Variants in PLCB4 observed in about 807,000 individuals in gnomAD.
PLCB4 encodes phospholipase C beta 4.
Under a neutral mutation model 178.8 loss-of-function variants are expected in PLCB4, and 77 were observed. The ratio of observed to expected loss-of-function variants is 0.43; its 90% CI spans 0.36 to 0.52. The LOEUF (loss-of-function observed/expected upper bound fraction) is 0.52, where lower values mean the gene tolerates loss of function less well. PLCB4 is among the 20% of genes least tolerant of loss of function. PLCB4 has a pLI of 0.00. For missense variants in PLCB4, 1,024 were observed against 1,453.4 expected (o/e 0.70, Z 4.80); for synonymous variants, 496 against 490.8 (o/e 1.01, Z -0.14).
chr20:9,226,882 A>G (rs886320876), intron 3 of PLCB4, among the ~76,000 whole-genome samples: 3 of 152,254 alleles, frequency 2.0e-5, no homozygotes, highest in East Asian at 1.9e-4. Flanking sequence ...ACACAGTGAC[A>G]TTTCTGTGGA....
intron 7 of PLCB4, among the ~76,000 whole-genome samples, chr20:9,341,625 TG>T (rs2033208810): frequency 6.7e-6 from 1 of 150,282 alleles, no homozygotes; most frequent in South Asian, 2.1e-4. Context: ...GTGGAGGAGG[TG>T]GAAGTGGAGT....
At chr20:9,171,908 C>T (rs1356383745) in intron 2 of PLCB4, among the ~76,000 whole-genome samples, 2 of 152,136 alleles carry the variant, frequency 1.3e-5, no homozygotes, top group African/African-American at 4.8e-5. Flanking sequence ...TGGCAGAGTG[C>T]TTGCAGAGGC....
At chr20:9,092,916 A>G (rs2090748242) in intron 1 of PLCB4, among the ~76,000 whole-genome samples, 1 of 152,126 alleles carries the variant, frequency 6.6e-6, no homozygotes, top group Non-Finnish European at 1.5e-5. Context: ...CTGCCATAGT[A>G]TCTGGGAAAG....
chr20:9,128,064 G>T (rs972932419), intron 2 of PLCB4, among the ~76,000 whole-genome samples: 1 of 152,154 alleles, frequency 6.6e-6, no homozygotes, highest in Non-Finnish European at 1.5e-5. Context: ...ATTGTTGGAG[G>T]TGGGGCCTGG....
chr20:9,101,658 T>C (rs1177820927), intron 2 of PLCB4, among the ~76,000 whole-genome samples: 1 of 152,150 alleles, frequency 6.6e-6, no homozygotes, highest in East Asian at 1.9e-4. Flanking sequence ...CATTTTTTCA[T>C]TTTTCAGTTG....
chr20:9,149,589 A>G (rs2092657092), intron 2 of PLCB4, among the ~76,000 whole-genome samples: 1 of 151,536 alleles, frequency 6.6e-6, no homozygotes. Context: ...ATAACAATGG[A>G]AACTCTTTTA....
intron 32 of PLCB4, among the ~76,000 whole-genome samples, chr20:9,452,549 C>G (rs2042830905): frequency 6.6e-6 from 1 of 152,044 alleles, no homozygotes; most frequent in Non-Finnish European, 1.5e-5. Flanking sequence ...GGCTGAGCAG[C>G]TAAAGAAATC....
intron 3 of PLCB4, among the ~76,000 whole-genome samples, chr20:9,258,205 C>G (rs2094256956): frequency 6.6e-6 from 1 of 152,150 alleles, no homozygotes; most frequent in African/African-American, 2.4e-5. Context: ...GTGTTAGCAG[C>G]TTGTTTTCCA....
intron 2 of PLCB4, among the ~76,000 whole-genome samples, chr20:9,101,005 G>A (rs962584366): frequency 6.6e-6 from 1 of 152,094 alleles, no homozygotes; most frequent in African/African-American, 2.4e-5. Context: ...TGAAGTTTCT[G>A]GTGGCCCATT....
intron 3 of PLCB4, among the ~76,000 whole-genome samples, chr20:9,257,630 T>G (rs923825344): frequency 3.3e-5 from 5 of 152,302 alleles, no homozygotes; most frequent in African/African-American, 1.2e-4. Flanking sequence ...AATGGAAAGA[T>G]CTTCATTTTG....
chr20:9,092,961 G>A (rs1275879984), intron 1 of PLCB4, among the ~76,000 whole-genome samples: 1 of 152,026 alleles, frequency 6.6e-6, no homozygotes, highest in Non-Finnish European at 1.5e-5. Flanking sequence ...GGCTCGTAAC[G>A]CTATAAATGT....
chr20:9,222,439 T>G (rs552600807), intron 3 of PLCB4, among the ~76,000 whole-genome samples: 11 of 145,676 alleles, frequency 7.6e-5, no homozygotes, highest in Admixed American at 2.7e-4. Context: ...TCATGATTGT[T>G]CACCTGATGT....
At chr20:9,372,264 A>G (rs1197669233) in intron 10 of PLCB4, 39 bp from the exon 11 acceptor site, 6 of 1,200,930 alleles carry the variant, frequency 5.0e-6, no homozygotes, top group Non-Finnish European at 4.9e-6. Context: ...CAAGGGAAAA[A>G]CGGTTCTGTG....
At chr20:9,097,866 T>TA (rs1470968658) in intron 2 of PLCB4, among the ~76,000 whole-genome samples, 1 of 152,138 alleles carries the variant, frequency 6.6e-6, no homozygotes, top group African/African-American at 2.4e-5. Context: ...AGAACGAACA[T>TA]ACATTGATTT....
intron 2 of PLCB4, among the ~76,000 whole-genome samples, chr20:9,172,691 G>A (rs1322539755): frequency 1.3e-5 from 2 of 152,134 alleles, no homozygotes; most frequent in African/African-American, 4.8e-5. Flanking sequence ...GTGCCTGAAT[G>A]TTAAGAGAGG....
intron 32 of PLCB4, among the ~76,000 whole-genome samples, chr20:9,445,829 G>A (rs1362470344): frequency 6.6e-6 from 1 of 152,204 alleles, no homozygotes; most frequent in Non-Finnish European, 1.5e-5. Context: ...AAATAAGAGA[G>A]AAAGCACCTT....
chr20:9,217,006 GT>G (rs1601223936), intron 2 of PLCB4, among the ~76,000 whole-genome samples: 1 of 152,192 alleles, frequency 6.6e-6, no homozygotes, highest in South Asian at 2.1e-4. Flanking sequence ...TATAAAAAGA[GT>G]TTTTTCCAAT....
At chr20:9,330,074 A>G (rs1476428845) in intron 4 of PLCB4, among the ~76,000 whole-genome samples, 4 of 152,184 alleles carry the variant, frequency 2.6e-5, no homozygotes, top group African/African-American at 9.7e-5. Flanking sequence ...GCTAGGTATG[A>G]AGCTTAAAGC....
chr20:9,292,172 C>T (rs569153164), intron 3 of PLCB4, among the ~76,000 whole-genome samples: 1 of 152,176 alleles, frequency 6.6e-6, no homozygotes, highest in South Asian at 2.1e-4. Flanking sequence ...TCCATACTCA[C>T]GCCGGAGGCA....
Sources: gnomAD v4.1 joint callset for allele counts (sites outside exome capture counted in the v4.1 genomes callset) on GRCh38, gnomAD v4.1.1 for gene constraint, MANE v1.5 for transcripts, NCBI Gene and HGNC (gene_info 2026-07-23, HGNC 2026-07-21) for gene names.